INTS15: variants seen among roughly 807,000 people sequenced by gnomAD.
The protein encoded by INTS15 is uncharacterized protein C7orf26.
At chr7:6,594,581 G>A in the INTS15 span, 8 of 1,614,012 alleles carry the variant, frequency 5.0e-6, no homozygotes, top group Admixed American at 1.0e-4. Flanking sequence ...CCGTTACCGC[G>A]CTCTATGACC....
chr7:6,604,898 G>A, the INTS15 span, among the ~76,000 whole-genome samples: 7 of 152,132 alleles, frequency 4.6e-5, no homozygotes, highest in African/African-American at 1.7e-4. Context: ...ACTGTCCTGC[G>A]TGAGGTGTCA....
At chr7:6,602,668 G>T in the INTS15 span, 1 of 471,170 alleles carries the variant, frequency 2.1e-6, no homozygotes, top group South Asian at 1.5e-5. Context: ...TCACAGGACG[G>T]TAGTGAGGAT....
chr7:6,593,372 C>T, the INTS15 span, among the ~76,000 whole-genome samples: 3 of 148,810 alleles, frequency 2.0e-5, no homozygotes, highest in Admixed American at 6.7e-5. Context: ...TCTCTGTCGC[C>T]CAAGCTGGAG....
chr7:6,603,509 T>C, the INTS15 span, among the ~76,000 whole-genome samples: 2 of 151,884 alleles, frequency 1.3e-5, no homozygotes, highest in East Asian at 3.9e-4. Context: ...GTCGTGCCAC[T>C]GCACTCCATC....
chr7:6,600,626 G>A, the INTS15 span, among the ~76,000 whole-genome samples: 4 of 151,992 alleles, frequency 2.6e-5, no homozygotes, highest in Non-Finnish European at 5.9e-5. Context: ...TTCCTTCCAA[G>A]GAACCCTTTT....
the INTS15 span, chr7:6,607,603 G>C: frequency 4.3e-6 from 6 of 1,388,816 alleles, no homozygotes; most frequent in Non-Finnish European, 5.7e-6. This position sits in a 1 kb window ranked among gnomAD's most constrained non-coding sequence, Gnocchi z 6.0. Flanking sequence ...TTCAGGTAGG[G>C]CGCGGTCATT....
the INTS15 span, among the ~76,000 whole-genome samples, chr7:6,596,869 C>T: frequency 2.6e-5 from 4 of 151,578 alleles, no homozygotes; most frequent in Non-Finnish European, 5.9e-5. Flanking sequence ...CTGCAAGCTC[C>T]GCCTGCCAGA....
chr7:6,595,023 C>G, the INTS15 span, among the ~76,000 whole-genome samples: 1,144 of 152,050 alleles, frequency 7.5e-3, 16 homozygotes, highest in African/African-American at 0.027. Context: ...CCACCGTGCC[C>G]AGCTGAGTTT....
chr7:6,590,254 G>T, the INTS15 span: 1 of 1,476,406 alleles, frequency 6.8e-7, no homozygotes, highest in Non-Finnish European at 8.9e-7. Flanking sequence ...AGTGAGACGC[G>T]CTCGGCGCGG....
At chr7:6,598,994 C>G in the INTS15 span, among the ~76,000 whole-genome samples, 5 of 151,986 alleles carry the variant, frequency 3.3e-5, no homozygotes, top group African/African-American at 4.8e-5. Flanking sequence ...CACTATGTTT[C>G]CAGGGCTGGT....
the INTS15 span, among the ~76,000 whole-genome samples, chr7:6,598,090 G>C: frequency 6.6e-6 from 1 of 152,158 alleles, no homozygotes; most frequent in Non-Finnish European, 1.5e-5. Flanking sequence ...AGATGCGTCA[G>C]CTCAGATCTG....
the INTS15 span, among the ~76,000 whole-genome samples, chr7:6,592,323 T>G: frequency 6.6e-6 from 1 of 152,200 alleles, no homozygotes; most frequent in East Asian, 1.9e-4. Flanking sequence ...CCCAGCACTT[T>G]GGGAGGCCGA....
At chr7:6,603,142 C>G in the INTS15 span, among the ~76,000 whole-genome samples, 1 of 151,626 alleles carries the variant, frequency 6.6e-6, no homozygotes, top group Non-Finnish European at 1.5e-5. Context: ...CCCGGCTACT[C>G]GGGCGGCTGA....
At chr7:6,590,236 C>T in the INTS15 span, 20 of 1,423,198 alleles carry the variant, frequency 1.4e-5, no homozygotes, top group African/African-American at 6.0e-5. Flanking sequence ...TCCCGGGCCC[C>T]GGGCGGAAGT....
the INTS15 span, chr7:6,594,319 T>C: frequency 1.9e-6 from 2 of 1,058,010 alleles, no homozygotes; most frequent in East Asian, 4.8e-5. Context: ...TTAACATCTT[T>C]TTTTTGTCTT....
the INTS15 span, chr7:6,591,952 A>T: frequency 7.8e-7 from 1 of 1,274,068 alleles, no homozygotes; most frequent in Non-Finnish European, 1.1e-6. Flanking sequence ...TGGGCGGATC[A>T]CTTGAGGTCA....
the INTS15 span, chr7:6,594,592 T>C: frequency 6.2e-7 from 1 of 1,614,004 alleles, no homozygotes; most frequent in South Asian, 1.1e-5. Context: ...CTCTATGACC[T>C]GTCATCAGGT....
the INTS15 span, chr7:6,590,222 G>C: frequency 2.4e-5 from 33 of 1,353,996 alleles, no homozygotes; most frequent in Non-Finnish European, 3.0e-5. Flanking sequence ...GGGTAGCGGC[G>C]CAGTCCCGGG....
chr7:6,590,646 GTTGC>G, the INTS15 span, among the ~76,000 whole-genome samples: 2 of 152,184 alleles, frequency 1.3e-5, no homozygotes, highest in Non-Finnish European at 2.9e-5. Context: ...GTCCTGCAGT[GTTGC>G]TCAGCTGCCT....
Sources: gnomAD v4.1 joint callset for allele counts (sites outside exome capture counted in the v4.1 genomes callset) on GRCh38, gnomAD v4.1.1 for gene constraint, Gnocchi (gnomAD v3.1) non-coding constraint, MANE v1.5 for transcripts, NCBI Gene and HGNC (gene_info 2026-07-23, HGNC 2026-07-21) for gene names.